The following SLC25A21 variants were observed in gnomAD, a reference collection of about 807,000 sequenced individuals.
SLC25A21 encodes the protein solute carrier family 25 member 21.
A neutral mutation model predicts 43.8 loss-of-function variants in SLC25A21; 47 were observed. The observed-to-expected ratio is 1.07, with a 90% CI of 0.85 to 1.37. The LOEUF is 1.37. Among genes scored for constraint, SLC25A21 ranks in the 40% most tolerant of loss-of-function variants. The probability of loss-of-function intolerance (pLI) is 0.00; values close to 1 mark genes in which losing one functional copy is unlikely to be tolerated. For synonymous variants in SLC25A21, 131 were observed against 121.3 expected (o/e 1.08, Z -0.52); for missense variants, 352 against 350.2 (o/e 1.00, Z -0.04).
intron 8 of SLC25A21, among the ~76,000 whole-genome samples, chr14:36,684,211 C>A (rs913082162): frequency 3.3e-5 from 5 of 152,114 alleles, no homozygotes; most frequent in African/African-American, 1.2e-4. Context: ...TAAAAGACCA[C>A]AAACTCAGTC....
chr14:36,909,492 A>G (rs1250796942), intron 1 of SLC25A21, among the ~76,000 whole-genome samples: 1 of 152,208 alleles, frequency 6.6e-6, no homozygotes, highest in Admixed American at 6.6e-5. Context: ...CCAAACTCAC[A>G]GTCTCAGAAC....
intron 6 of SLC25A21, among the ~76,000 whole-genome samples, chr14:36,715,939 A>C (rs1025692726): frequency 3.9e-5 from 6 of 151,994 alleles, no homozygotes; most frequent in South Asian, 4.1e-4. Context: ...AATAATACAA[A>C]AAGTAGCTGG....
At chr14:36,895,969 C>T (rs1341216713) in intron 1 of SLC25A21, among the ~76,000 whole-genome samples, 4 of 152,070 alleles carry the variant, frequency 2.6e-5, no homozygotes, top group African/African-American at 9.7e-5. Flanking sequence ...TCTGTGTGGT[C>T]AATTTTGGAA....
chr14:37,006,649 GA>G (rs1960610906), intron 1 of SLC25A21, among the ~76,000 whole-genome samples: 1 of 121,052 alleles, frequency 8.3e-6, no homozygotes, highest in African/African-American at 3.3e-5. Context: ...CAGAATCCCA[GA>G]ACACCTTAAT....
At chr14:36,711,250 T>C (rs934527037) in intron 7 of SLC25A21, 68 bp downstream of exon 7, 53 of 1,444,566 alleles carry the variant, frequency 3.7e-5, no homozygotes, top group Admixed American at 2.7e-4. Flanking sequence ...AGGATAAACA[T>C]TCTACAAACG....
At chr14:36,845,542 A>C (rs1279571885) in intron 2 of SLC25A21, among the ~76,000 whole-genome samples, 1 of 152,254 alleles carries the variant, frequency 6.6e-6, no homozygotes, top group East Asian at 1.9e-4. Context: ...AAAATGTGCC[A>C]AGTATTGCAT....
intron 1 of SLC25A21, among the ~76,000 whole-genome samples, chr14:37,012,322 A>G (rs1960751447): frequency 6.6e-6 from 1 of 152,222 alleles, no homozygotes. Context: ...ATCTTGATGC[A>G]TCAAATGTGT....
intron 7 of SLC25A21, among the ~76,000 whole-genome samples, chr14:36,695,063 T>A (rs1370154274): frequency 6.6e-5 from 10 of 152,224 alleles, no homozygotes; most frequent in Admixed American, 5.9e-4. Context: ...AAGTCTTTAA[T>A]CCATCTTGAA....
chr14:36,994,870 T>A (rs973617326), intron 1 of SLC25A21, among the ~76,000 whole-genome samples: 1 of 152,190 alleles, frequency 6.6e-6, no homozygotes, highest in African/African-American at 2.4e-5. Flanking sequence ...AAATTTCAAG[T>A]TGAGTTACCA....
At chr14:36,843,306 T>C (rs1291336230) in intron 2 of SLC25A21, among the ~76,000 whole-genome samples, 1 of 152,156 alleles carries the variant, frequency 6.6e-6, no homozygotes, top group East Asian at 1.9e-4. Context: ...GCCTGGCTAA[T>C]ATAATACAGA....
intron 1 of SLC25A21, among the ~76,000 whole-genome samples, chr14:37,035,868 T>C (rs1961316183): frequency 1.3e-5 from 2 of 152,220 alleles, no homozygotes; most frequent in Admixed American, 6.5e-5. Context: ...TGTACAGCAA[T>C]AAATGATTTT....
chr14:36,797,677 T>C (rs1041915285), intron 3 of SLC25A21, among the ~76,000 whole-genome samples: 1 of 152,174 alleles, frequency 6.6e-6, no homozygotes, highest in Non-Finnish European at 1.5e-5. Flanking sequence ...GAAACCTAAT[T>C]TGCGGTAGCA....
At chr14:36,897,531 C>A (rs993402202) in intron 1 of SLC25A21, among the ~76,000 whole-genome samples, 122 of 152,278 alleles carry the variant, frequency 8.0e-4, no homozygotes, top group African/African-American at 2.8e-3. Context: ...CTTCTTCTCC[C>A]AACTCATCAA....
intron 1 of SLC25A21, among the ~76,000 whole-genome samples, chr14:37,144,310 T>A (rs1441451251): frequency 6.6e-6 from 1 of 152,208 alleles, no homozygotes; most frequent in South Asian, 2.1e-4. Flanking sequence ...ATTGATCAAA[T>A]TTGTTTCAAA....
rs536517266 is a variant in SLC25A21 at position 37,040,359 on chromosome 14, AAGAGAG to A, written c.70+131916_70+131921del. Among the ~76,000 whole-genome samples, 6 of 40,150 alleles carry A rather than the reference AAGAGAG, an allele frequency of 1.5e-4. 3 individuals are homozygous for A. In the East Asian group the frequency reaches 3.0e-3, roughly 20 times the overall value. 26.3% of individuals were successfully genotyped at this position (40,150 alleles called of 152,430 possible). ...AAGGAAGGAAGGAAGGAAGGAAAGA[AAGAGAG>A]AGAGAGAGAGAAAGAAAGAAAGAAA... On this transcript the variant is annotated intron_variant, in intron 1 of 9. Coordinates refer to ENST00000331299, the MANE Select transcript of SLC25A21 (RefSeq NM_030631.4).
In SLC25A21 at chr14:36,918,157, G is replaced by C. The variant is rs17105695; in HGVS notation, c.71-43153C>G. Among the ~76,000 whole-genome samples, 695 of 152,214 alleles carry C rather than the reference G, an allele frequency of 4.6e-3. 22 individuals are homozygous for C. The East Asian group carries it at 0.087, about 19-fold the overall frequency. The stretch of plus-strand genomic sequence containing the variant: ...TCCTTAAGTTCCTACCCTCAGGCAG[G>C]CTTTCTTATACCACAAGATTTACTG... On this transcript the variant is annotated intron_variant, in intron 1 of 9. Transcript: ENST00000331299.
intron 3 of SLC25A21, among the ~76,000 whole-genome samples, chr14:36,803,427 T>A (rs1887934343): frequency 6.6e-6 from 1 of 152,210 alleles, no homozygotes; most frequent in African/African-American, 2.4e-5. Flanking sequence ...TCAAAATGTA[T>A]GTTGACCTGT....
At chr14:36,722,277 G>C (rs1242072775) in intron 6 of SLC25A21, among the ~76,000 whole-genome samples, 2 of 152,278 alleles carry the variant, frequency 1.3e-5, no homozygotes, top group South Asian at 2.1e-4. Flanking sequence ...GGATTAAGTG[G>C]GGAGGGGAGG....
chr14:36,681,496 A>C (rs908559044), intron 9 of SLC25A21, among the ~76,000 whole-genome samples: 1 of 152,232 alleles, frequency 6.6e-6, no homozygotes, highest in Non-Finnish European at 1.5e-5. Flanking sequence ...GCATTTGTAC[A>C]TGGATCATTT....
Sources: gnomAD v4.1 joint callset for allele counts (sites outside exome capture counted in the v4.1 genomes callset) on GRCh38, gnomAD v4.1.1 for gene constraint, MANE v1.5 for transcripts, NCBI Gene and HGNC (gene_info 2026-07-23, HGNC 2026-07-21) for gene names.